Variants in CNTN5 observed in about 807,000 individuals in gnomAD.
CNTN5 encodes contactin-5.
Under a neutral mutation model 129.1 loss-of-function variants are expected in CNTN5, and 77 were observed. The observed-to-expected ratio is 0.60, with a 90% CI of 0.50 to 0.72. The LOEUF (loss-of-function observed/expected upper bound fraction) is 0.72, where lower values mean the gene tolerates loss of function less well. Ranked by LOEUF, CNTN5 falls within the 30% of genes least tolerant of loss-of-function variation. The probability of loss-of-function intolerance (pLI) is 0.00; values close to 1 mark genes in which losing one functional copy is unlikely to be tolerated. For synonymous variants in CNTN5, 509 were observed against 465.6 expected (o/e 1.09, Z -1.20); for missense variants, 1,478 against 1,328.8 (o/e 1.11, Z -1.75).
intron 3 of CNTN5, among the ~76,000 whole-genome samples, chr11:99,753,324 G>A (rs529729825): frequency 1.8e-4 from 27 of 150,844 alleles, no homozygotes; most frequent in Non-Finnish European, 3.4e-4. Flanking sequence ...GGGTTTCACC[G>A]TGTTAGCCAG....
At chr11:100,264,501 G>A (rs1002770081) in intron 17 of CNTN5, among the ~76,000 whole-genome samples, 1 of 152,110 alleles carries the variant, frequency 6.6e-6, no homozygotes, top group African/African-American at 2.4e-5. Flanking sequence ...CTGTTCCTGT[G>A]TTAGTTTGTC....
chr11:100,297,842 T>C, intron 19 of CNTN5, 147 bp downstream of exon 19: 1 of 617,928 alleles, frequency 1.6e-6, no homozygotes, highest in Non-Finnish European at 2.9e-6. Flanking sequence ...GCTGAATAAA[T>C]GCCACGTTAC....
intron 9 of CNTN5, among the ~76,000 whole-genome samples, chr11:100,052,200 A>G (rs1335298882): frequency 1.3e-5 from 2 of 151,950 alleles, no homozygotes; most frequent in Non-Finnish European, 2.9e-5. Flanking sequence ...AAACTGTCAA[A>G]TATGTAGGAT....
intron 2 of CNTN5, among the ~76,000 whole-genome samples, chr11:99,452,619 G>T (rs775933178): frequency 6.6e-6 from 1 of 151,800 alleles, no homozygotes; most frequent in Non-Finnish European, 1.5e-5. Flanking sequence ...TGATCTGCCC[G>T]CCCTTGGCCT....
chr11:99,177,395 T>C (rs1857828585), intron 1 of CNTN5, among the ~76,000 whole-genome samples: 1 of 152,040 alleles, frequency 6.6e-6, no homozygotes, highest in Admixed American at 6.6e-5. Flanking sequence ...GTTGAATGAG[T>C]GAATAAATGA....
intron 2 of CNTN5, among the ~76,000 whole-genome samples, chr11:99,424,633 C>T (rs1163278331): frequency 6.6e-6 from 1 of 152,228 alleles, no homozygotes; most frequent in Non-Finnish European, 1.5e-5. Context: ...CATGGTGGTG[C>T]CCACAAGCTT....
At chr11:99,932,683 A>C (rs900855868) in intron 7 of CNTN5, among the ~76,000 whole-genome samples, 4 of 152,180 alleles carry the variant, frequency 2.6e-5, no homozygotes, top group African/African-American at 9.6e-5. Context: ...TGAAAGATTT[A>C]ATGAGATGAT....
At chr11:99,025,107 C>T (rs1175885740) in intron 1 of CNTN5, among the ~76,000 whole-genome samples, 7 of 151,930 alleles carry the variant, frequency 4.6e-5, no homozygotes, top group African/African-American at 7.2e-5. Context: ...ATAACAGATC[C>T]GACAGGACTC....
chr11:100,189,179 G>A (rs553690631), intron 13 of CNTN5, among the ~76,000 whole-genome samples: 25 of 151,320 alleles, frequency 1.7e-4, no homozygotes, highest in African/African-American at 6.1e-4. Context: ...TCATCATCAT[G>A]CAATATACCC....
rs556217972 is a variant in CNTN5, at chr11:99,656,047, TAG to T, written c.55+99779_55+99780del. Among the ~76,000 whole-genome samples the T allele has an allele frequency of 2.2e-3, 340 of 152,150 alleles. 1 individual carries two copies. The highest frequency in any genetic ancestry group is 7.5e-3 in the African/African-American group (310 of 41,534). ...ACAGGTATGTGTGTATGTGTGTATATAGGTATAAGTGTGTGTACATATGTGTA... is the reference window on the plus strand; with the variant it reads ...ACAGGTATGTGTGTATGTGTGTATATGTATAAGTGTGTGTACATATGTGTA... On this transcript the variant is annotated intron_variant, in intron 3 of 24. Coordinates refer to ENST00000524871, the MANE Select transcript of CNTN5 (RefSeq NM_014361.4).
chr11:99,113,408 G>T (rs193177251), intron 1 of CNTN5, among the ~76,000 whole-genome samples: 5 of 152,002 alleles, frequency 3.3e-5, no homozygotes, highest in Admixed American at 6.6e-5. Context: ...ATGATGGAAC[G>T]CAGTAGTGAG....
chr11:99,077,398 T>A (rs980875990), intron 1 of CNTN5, among the ~76,000 whole-genome samples: 1 of 152,276 alleles, frequency 6.6e-6, no homozygotes, highest in East Asian at 1.9e-4. Context: ...AAATAATTAT[T>A]ATGGCATTAG....
intron 1 of CNTN5, among the ~76,000 whole-genome samples, chr11:99,281,663 T>G: frequency 6.6e-6 from 1 of 152,052 alleles, no homozygotes; most frequent in East Asian, 1.9e-4. Flanking sequence ...GTAGTTTCCC[T>G]CTTCTTTTGC....
chr11:99,693,647 C>T (rs1954135670), intron 3 of CNTN5, among the ~76,000 whole-genome samples: 1 of 151,866 alleles, frequency 6.6e-6, no homozygotes, highest in Admixed American at 6.6e-5. Context: ...AAACATAATA[C>T]CCAAATTGAG....
At chr11:99,784,901 G>T (rs1008099944) in intron 3 of CNTN5, among the ~76,000 whole-genome samples, 1 of 144,154 alleles carries the variant, frequency 6.9e-6, no homozygotes, top group South Asian at 2.3e-4. Flanking sequence ...CCAGGTTCAC[G>T]CCATTCTTCT....
intron 3 of CNTN5, among the ~76,000 whole-genome samples, chr11:99,806,748 A>G (rs1038794095): frequency 4.6e-5 from 7 of 151,340 alleles, no homozygotes; most frequent in African/African-American, 1.7e-4. Flanking sequence ...CAGAGGTGGC[A>G]GTGAGCCAAG....
rs530660893 is a variant in CNTN5 at position 99,133,699 on chromosome 11, A to G, written c.-210+112429A>G. ...CATTAGAGAAATGCAAATCAAAACTACAATGAGATATCATCTCACACCAGT... is the reference window on the plus strand; with the variant it reads ...CATTAGAGAAATGCAAATCAAAACTGCAATGAGATATCATCTCACACCAGT... On this transcript the variant is annotated intron_variant, in intron 1 of 24. Coordinates refer to ENST00000524871, the MANE Select transcript of CNTN5 (RefSeq NM_014361.4). 5.9e-5 allele frequency among the ~76,000 whole-genome samples: 9 copies of G among 152,134 alleles called. No homozygotes were observed. In the East Asian group the frequency reaches 1.5e-3, roughly 26 times the overall value.
chr11:100,110,409 C>T (rs1283545543), intron 13 of CNTN5, among the ~76,000 whole-genome samples: 5 of 151,452 alleles, frequency 3.3e-5, no homozygotes, highest in African/African-American at 9.7e-5. Flanking sequence ...TGATATTTTC[C>T]AATAATATAG....
chr11:99,184,965 C>A (rs1300153786), intron 1 of CNTN5, among the ~76,000 whole-genome samples: 1 of 142,880 alleles, frequency 7.0e-6, no homozygotes, highest in Non-Finnish European at 1.6e-5. Flanking sequence ...TAAATCAATT[C>A]CAGATGATAA....
Sources: gnomAD v4.1 joint callset for allele counts (sites outside exome capture counted in the v4.1 genomes callset) on GRCh38, gnomAD v4.1.1 for gene constraint, MANE v1.5 for transcripts, NCBI Gene and HGNC (gene_info 2026-07-23, HGNC 2026-07-21) for gene names.